The following GLI3 variants were observed in gnomAD, a reference collection of about 807,000 sequenced individuals.
GLI3 encodes the protein transcription activator GLI3.
Under a neutral mutation model 100.8 loss-of-function variants are expected in GLI3, and 20 were observed. The ratio of observed to expected loss-of-function variants is 0.20; its 90% CI spans 0.14 to 0.29. The LOEUF (loss-of-function observed/expected upper bound fraction) is 0.29. GLI3 is among the 10% of genes least tolerant of loss of function. The pLI is 1.00. For synonymous variants in GLI3, 938 were observed against 860.5 expected (o/e 1.09, Z -1.58); for missense variants, 2,040 against 2,128.5 (o/e 0.96, Z 0.82).
Position 42,223,112 on chromosome 7 carries a change from A to G in GLI3, c.124+18T>C. On this transcript the variant is annotated intron_variant, in intron 2 of 14. Transcript: ENST00000395925. ...AATGACTCCAGGCTGGGCTGCTGGTAATCCCTGTGCTGCTCACCATTAGAA... is the reference window on the plus strand; with the variant it reads ...AATGACTCCAGGCTGGGCTGCTGGTGATCCCTGTGCTGCTCACCATTAGAA... 1 of 1,613,496 alleles carries G rather than the reference A, an allele frequency of 6.2e-7. No individual in the cohort carries two copies. Among genetic ancestry groups the G allele is most frequent in the East Asian group, 2.2e-5 (1 of 44,864 alleles).
chr7:42,115,688 T>C (rs148248139), intron 3 of GLI3, among the ~76,000 whole-genome samples: 127 of 152,212 alleles, frequency 8.3e-4, no homozygotes, highest in African/African-American at 2.8e-3. Flanking sequence ...AGGGACACAG[T>C]GGGGCAGTTA....
At chr7:41,975,719 G>C (rs1043877535) in intron 12 of GLI3, among the ~76,000 whole-genome samples, 1 of 152,066 alleles carries the variant, frequency 6.6e-6, no homozygotes. Flanking sequence ...AAATATTTTA[G>C]GTCCATAAAA....
At chr7:42,221,303 A>G (rs1371171288) in intron 2 of GLI3, among the ~76,000 whole-genome samples, 1 of 152,206 alleles carries the variant, frequency 6.6e-6, no homozygotes, top group Non-Finnish European at 1.5e-5. Context: ...AAACAACAGC[A>G]TCTTCATAAG....
At chr7:42,149,530 T>C (rs1786805498) in intron 2 of GLI3, among the ~76,000 whole-genome samples, 1 of 152,198 alleles carries the variant, frequency 6.6e-6, no homozygotes, top group African/African-American at 2.4e-5. Context: ...ACATGAACTC[T>C]AAACTACATG....
intron 3 of GLI3, among the ~76,000 whole-genome samples, chr7:42,100,595 A>T (rs1311571576): frequency 6.6e-6 from 1 of 151,070 alleles, no homozygotes; most frequent in Non-Finnish European, 1.5e-5. Context: ...AAAAAAAAAT[A>T]GCCAGGTGTG....
Position 41,972,273 on chromosome 7 carries a change from T to C in GLI3, c.2103+64A>G. ...AGGACCGGGAAGTCCTGTCCCTCTA[T>C]GCACCCTACCTGGCTCTTTTAAATG... On this transcript the variant is annotated intron_variant, in intron 13 of 14. Transcript: ENST00000395925. This position sits in a 1 kb window ranked among gnomAD's most constrained non-coding sequence, Gnocchi z 4.4. 6.7e-7 allele frequency: 1 copy of C among 1,482,560 alleles called. No individual in the cohort carries two copies. The highest frequency in any genetic ancestry group is 2.3e-5 in the East Asian group (1 of 44,336). The allele number at this position is 1,482,560 out of a possible 1,614,324, so 91.8% of individuals were successfully genotyped here.
chr7:42,025,517 G>A (rs983751734), intron 8 of GLI3, 140 bp from the exon 9 acceptor site: 20 of 708,132 alleles, frequency 2.8e-5, no homozygotes, highest in East Asian at 1.1e-4. Context: ...TCCAATCCCA[G>A]TGTAAGCAGA....
At chr7:42,065,295 C>A (rs1238151320) in intron 4 of GLI3, among the ~76,000 whole-genome samples, 1 of 150,320 alleles carries the variant, frequency 6.7e-6, no homozygotes, top group East Asian at 2.0e-4. Context: ...AATGCAGACC[C>A]CTGGTTAGCT....
intron 3 of GLI3, among the ~76,000 whole-genome samples, chr7:42,082,681 T>C (rs549564043): frequency 6.6e-6 from 1 of 152,322 alleles, no homozygotes; most frequent in African/African-American, 2.4e-5. Context: ...ACATCGTATT[T>C]ATATGATCTT....
At chr7:41,996,182 A>G (rs1202985892) in intron 10 of GLI3, among the ~76,000 whole-genome samples, 1 of 152,254 alleles carries the variant, frequency 6.6e-6, no homozygotes, top group Non-Finnish European at 1.5e-5. Flanking sequence ...ACATTTGTAT[A>G]AACTATAATT....
At chr7:42,119,448 G>A (rs868089175) in intron 3 of GLI3, among the ~76,000 whole-genome samples, 2 of 152,122 alleles carry the variant, frequency 1.3e-5, no homozygotes, top group Admixed American at 6.5e-5. Flanking sequence ...CCAGAATGAC[G>A]TGACCAAGAC....
At chr7:41,988,651 G>A (rs1047398190) in intron 10 of GLI3, among the ~76,000 whole-genome samples, 1 of 152,082 alleles carries the variant, frequency 6.6e-6, no homozygotes, top group Non-Finnish European at 1.5e-5. Flanking sequence ...ATCTTCTGAC[G>A]TCTTGACCTT....
intron 1 of GLI3, among the ~76,000 whole-genome samples, chr7:42,260,687 C>G (rs1437494837): frequency 6.6e-6 from 1 of 152,110 alleles, no homozygotes; most frequent in African/African-American, 2.4e-5. Context: ...AGAGTAAAAA[C>G]AAGAAGGGCA....
chr7:42,047,235 A>T (rs1333896789), intron 5 of GLI3, among the ~76,000 whole-genome samples: 2 of 152,240 alleles, frequency 1.3e-5, no homozygotes, highest in Non-Finnish European at 2.9e-5. Flanking sequence ...TTAACCAGTA[A>T]ATTCAATGCA....
chr7:42,030,010 C>T (rs769990261), intron 7 of GLI3, among the ~76,000 whole-genome samples: 2 of 152,212 alleles, frequency 1.3e-5, no homozygotes, highest in African/African-American at 2.4e-5. Flanking sequence ...CTGCAACAAA[C>T]AGCCCAAACT....
chr7:42,183,796 C>T (rs560513329), intron 2 of GLI3, among the ~76,000 whole-genome samples: 10 of 152,184 alleles, frequency 6.6e-5, no homozygotes, highest in African/African-American at 1.9e-4. Flanking sequence ...AGAGCTGGAC[C>T]GTCACCCCCT....
At chr7:42,128,338 C>T (rs2128775372) in intron 3 of GLI3, among the ~76,000 whole-genome samples, 1 of 152,186 alleles carries the variant, frequency 6.6e-6, no homozygotes, top group East Asian at 1.9e-4. Flanking sequence ...ATGGTTGTTA[C>T]TGTTTTTAAT....
At chr7:42,096,089 G>T (rs910651661) in intron 3 of GLI3, among the ~76,000 whole-genome samples, 1 of 152,144 alleles carries the variant, frequency 6.6e-6, no homozygotes, top group African/African-American at 2.4e-5. Context: ...GGAGCTGACG[G>T]GTGGAGAAGC....
At chr7:42,262,951 CTT>C (rs11299942) in intron 1 of GLI3, among the ~76,000 whole-genome samples, 4,801 of 147,686 alleles carry the variant, frequency 0.033, 88 homozygotes, top group South Asian at 0.043. Flanking sequence ...AATATCTGCA[CTT>C]TTTTTTTTTT....
Sources: gnomAD v4.1 joint callset for allele counts (sites outside exome capture counted in the v4.1 genomes callset) on GRCh38, gnomAD v4.1.1 for gene constraint, Gnocchi (gnomAD v3.1) non-coding constraint, MANE v1.5 for transcripts, NCBI Gene and HGNC (gene_info 2026-07-23, HGNC 2026-07-21) for gene names.